The following CTBS variants were observed in gnomAD, a reference collection of about 807,000 sequenced individuals.
The protein encoded by CTBS is di-N-acetylchitobiase.
In CTBS, 35 loss-of-function variants were observed where a neutral mutation model predicts 44.3. The ratio of observed to expected loss-of-function variants is 0.79; its 90% CI spans 0.60 to 1.05. The LOEUF is 1.05. CTBS is among the 50% of genes least tolerant of loss of function. CTBS has a pLI of 0.00. For synonymous variants in CTBS, 143 were observed against 168.0 expected (o/e 0.85, Z 1.15); for missense variants, 458 against 475.3 (o/e 0.96, Z 0.34).
chr1:84,574,375 C>G lies in CTBS; in HGVS notation c.41G>C (p.Ser14Thr). 1 of 1,565,354 alleles carries G rather than the reference C, an allele frequency of 6.4e-7. No individual in the cohort carries two copies. Among genetic ancestry groups the G allele is most frequent in the East Asian group, 2.4e-5 (1 of 42,190 alleles). ...TAGACCCGGGACGCCGCTCGGCGGG[C>G]TAGAGACGAGGCGCCAGCGTCGAAG... ...PQLRRWRLVS[S>T]PPSGVPGLAL... is the part of the protein sequence containing the mutation. The change falls in exon 1 of 7, where the codon AGC (serine) becomes ACC (threonine). Residue 14 changes from serine (S) to threonine (T), a missense_variant. Transcript: ENST00000370630.
chr1:84,554,654 T>C lies in CTBS; in HGVS notation c.*345A>G, dbSNP rs761564255. ...AACAATTTCCACTTCAGATTATACA[T>C]ATTTTAAAAATCAGCATTGATTCGT... On this transcript the variant is annotated 3_prime_UTR_variant, in exon 7 of 7. Transcript: ENST00000370630. 2 of 181,636 alleles carry C rather than the reference T, an allele frequency of 1.1e-5. No homozygotes were observed. Among genetic ancestry groups the C allele is most frequent in the Non-Finnish European group, 2.3e-5 (2 of 85,720 alleles). The allele number at this position is 181,636 out of a possible 1,614,324, so 11.3% of individuals were successfully genotyped here.
intron 5 of CTBS, 77 bp downstream of exon 5, chr1:84,563,658 A>T: frequency 3.4e-6 from 3 of 884,684 alleles, no homozygotes; most frequent in Middle Eastern, 3.6e-4. Context: ...TAAAGTTTAT[A>T]TATTTCTAAT....
rs1220136953 is a variant in CTBS at position 84,551,089 on chromosome 1, G to T, written c.*3910C>A. On this transcript the variant is annotated 3_prime_UTR_variant, in exon 7 of 7. Transcript: ENST00000370630. ...CTTCTGGGCATGCTCTATTTGGTGA[G>T]AATTGTGTACAACTAATTACATCAT... 1 of 985,148 alleles carries T rather than the reference G, an allele frequency of 1.0e-6. No individual in the cohort carries two copies. The highest frequency in any genetic ancestry group is 1.2e-6 in the Non-Finnish European group (1 of 829,888). 61.0% of individuals were successfully genotyped at this position (985,148 alleles called of 1,614,324 possible). A position where few individuals can be genotyped will look rare whatever the true frequency, so the allele number is the denominator to read the frequency against.
At chr1:84,566,380 C>T (rs1684700557) in intron 3 of CTBS, among the ~76,000 whole-genome samples, 1 of 152,138 alleles carries the variant, frequency 6.6e-6, no homozygotes, top group Non-Finnish European at 1.5e-5. Context: ...TAAAGGCACA[C>T]TAAAAGAATT....
chr1:84,573,791 A>C (rs961402125), intron 1 of CTBS: 5 of 671,868 alleles, frequency 7.4e-6, no homozygotes, highest in Non-Finnish European at 9.2e-6. Context: ...CTTTAAAGGA[A>C]AGGGCTAGCA....
chr1:84,570,028 T>C lies in CTBS; in HGVS notation c.428A>G (p.Glu143Gly). Residue 143 changes from glutamate to glycine, a missense_variant, in exon 3 of 7, where the codon GAG becomes GGG. Coordinates refer to ENST00000370630, the MANE Select transcript of CTBS (RefSeq NM_004388.3). ...AGGTGATAAACAATTAACTTCTTGC[T>C]CTATATCTATATTAATTCCATCCAT... ...QYMDGINIDI[E>G]QEVNCLSPEY... 3 of 1,613,662 alleles carry C rather than the reference T, an allele frequency of 1.9e-6. No homozygotes were observed. Among genetic ancestry groups the C allele is most frequent in the Non-Finnish European group, 1.7e-6 (2 of 1,179,738 alleles).
chr1:84,559,126 T>C (rs192882026), intron 6 of CTBS, among the ~76,000 whole-genome samples: 1 of 152,344 alleles, frequency 6.6e-6, no homozygotes, highest in East Asian at 1.9e-4. Context: ...TTATGGCAAC[T>C]CTATTGAACA....
At chr1:84,562,108 A>C (rs1199675870) in intron 6 of CTBS, among the ~76,000 whole-genome samples, 1 of 152,210 alleles carries the variant, frequency 6.6e-6, no homozygotes, top group African/African-American at 2.4e-5. Context: ...TATGTCAAAC[A>C]ATTAAACTAC....
chr1:84,554,321 G>A lies in CTBS; in HGVS notation c.*678C>T, dbSNP rs1475792704. ...GAGCCTCATAAAAATAATGTAGTTG[G>A]AAAATATTAGGTAGTTCTAACTTAC... On this transcript the variant is annotated 3_prime_UTR_variant, in exon 7 of 7. Transcript: ENST00000370630. The A allele has an allele frequency of 1.3e-5, 2 of 152,016 alleles. No homozygotes were observed. Among genetic ancestry groups the A allele is most frequent in the African/African-American group, 4.8e-5 (2 of 41,410 alleles). The allele number at this position is 152,016 out of a possible 1,614,324, so 9.4% of individuals were successfully genotyped here.
rs1439857320 is a variant in CTBS, at chr1:84,550,592, T to C, written c.*4407A>G. 7.0e-7 allele frequency: 1 copy of C among 1,423,660 alleles called. No individual in the cohort carries two copies. Among genetic ancestry groups the C allele is most frequent in the Non-Finnish European group, 9.2e-7 (1 of 1,082,818 alleles). The allele number at this position is 1,423,660 out of a possible 1,614,324, so 88.2% of individuals were successfully genotyped here. On this transcript the variant is annotated 3_prime_UTR_variant, in exon 7 of 7. Transcript: ENST00000370630. ...TTTATCTTGAAATAAAATATTTTGG[T>C]GTTTTAACTTTGGGTGTCAATAATA... is the stretch of plus-strand genomic sequence containing the variant.
intron 1 of CTBS, among the ~76,000 whole-genome samples, chr1:84,572,640 G>A (rs1570478217): frequency 6.6e-6 from 1 of 151,542 alleles, no homozygotes; most frequent in East Asian, 1.9e-4. Context: ...CTAAGTATTG[G>A]GTACTACAGT....
In CTBS at chr1:84,574,396, C is replaced by A. The variant is rs530177467; in HGVS notation, c.20G>T (p.Arg7Leu). The change falls in exon 1 of 7, where the codon CGA becomes CTA. Residue 7 changes from arginine (R) to leucine (L), a missense_variant. By Grantham distance (102) the Arg-to-Leu change is moderately radical. Coordinates refer to ENST00000370630, the MANE Select transcript of CTBS (RefSeq NM_004388.3). ...CGGGCTAGAGACGAGGCGCCAGCGTCGAAGCTGCGGCCGGGACATAGCAGC... is the reference window on the plus strand; with the variant it reads ...CGGGCTAGAGACGAGGCGCCAGCGTAGAAGCTGCGGCCGGGACATAGCAGC... MSRPQL[R>L]RWRLVSSPPS... 6.4e-7 allele frequency: 1 copy of A among 1,556,312 alleles called. No individual in the cohort carries two copies. The highest frequency in any genetic ancestry group is 2.4e-5 in the East Asian group (1 of 41,886).
chr1:84,559,073 T>C (rs754232587), intron 6 of CTBS, among the ~76,000 whole-genome samples: 1 of 152,186 alleles, frequency 6.6e-6, no homozygotes, highest in Non-Finnish European at 1.5e-5. Flanking sequence ...GTACTTTGCT[T>C]TATTGTGCTT....
Position 84,550,721 on chromosome 1 carries a change from C to T in CTBS, c.*4278G>A, listed in dbSNP as rs531443540. ...GAAAAACTAAACCTGTGAAAAGATA[C>T]ATGATATAATAAAGCCAAAGTAAAA... On this transcript the variant is annotated 3_prime_UTR_variant, in exon 7 of 7. Coordinates refer to ENST00000370630, the MANE Select transcript of CTBS (RefSeq NM_004388.3). 1.0e-5 allele frequency: 12 copies of T among 1,145,264 alleles called. No homozygotes were observed. Among genetic ancestry groups the T allele is most frequent in the Admixed American group, 4.7e-5 (1 of 21,336 alleles). 70.9% of individuals were successfully genotyped at this position (1,145,264 alleles called of 1,614,324 possible).
Position 84,549,753 on chromosome 1 carries a change from T to A in CTBS, c.*5246A>T, listed in dbSNP as rs1012171081. ...AAGTAATTTTAAAATATGTTAACTA[T>A]GATTAAAAGTAAGGATTTAACTTTA... is the stretch of plus-strand genomic sequence containing the variant. On this transcript the variant is annotated 3_prime_UTR_variant, in exon 7 of 7. Transcript: ENST00000370630. 4.6e-5 allele frequency: 7 copies of A among 152,196 alleles called. No individual in the cohort carries two copies. The highest frequency in any genetic ancestry group is 3.3e-4 in the Admixed American group (5 of 15,278). The allele number at this position is 152,196 out of a possible 1,614,324, so 9.4% of individuals were successfully genotyped here. A position where few individuals can be genotyped will look rare whatever the true frequency, so the allele number is the denominator to read the frequency against.
intron 6 of CTBS, among the ~76,000 whole-genome samples, chr1:84,557,652 G>A (rs1251965509): frequency 4.6e-5 from 7 of 150,810 alleles, no homozygotes; most frequent in South Asian, 2.1e-4. Flanking sequence ...TCAGGAGATC[G>A]AGACCATCCT....
Position 84,554,997 on chromosome 1 carries a change from G to A in CTBS, c.*2C>T. ...AACTCTTAATGGTTTGACAAAAGAT[G>A]TTCATCTCTGTAACAGCTTTGGCTT... On this transcript the variant is annotated 3_prime_UTR_variant, in exon 7 of 7. Coordinates refer to ENST00000370630, the MANE Select transcript of CTBS (RefSeq NM_004388.3). The A allele has an allele frequency of 1.2e-6, 2 of 1,612,258 alleles. No homozygotes were observed. Among genetic ancestry groups the A allele is most frequent in the Non-Finnish European group, 1.7e-6 (2 of 1,178,870 alleles).
intron 6 of CTBS, among the ~76,000 whole-genome samples, chr1:84,556,551 A>C (rs141591239): frequency 0.054 from 8,181 of 150,826 alleles, 308 homozygotes; most frequent in Non-Finnish European, 0.077. Flanking sequence ...TCTTTACTAA[A>C]ATACAAAAAA....
intron 6 of CTBS, among the ~76,000 whole-genome samples, chr1:84,558,321 G>A (rs979048588): frequency 2.7e-5 from 4 of 148,180 alleles, no homozygotes; most frequent in Admixed American, 6.7e-5. Flanking sequence ...ACGGAGTCTC[G>A]CTCTGTCGCC....
Sources: gnomAD v4.1 joint callset for allele counts (sites outside exome capture counted in the v4.1 genomes callset) on GRCh38, gnomAD v4.1.1 for gene constraint, MANE v1.5 for transcripts, NCBI Gene and HGNC (gene_info 2026-07-23, HGNC 2026-07-21) for gene names.